Variants in ZNF25 observed in about 807,000 individuals in gnomAD.
ZNF25 encodes the protein zinc finger protein 25 (KOX 19).
ZNF25 carries 21 observed loss-of-function variants against 30.9 expected under a neutral mutation model. The observed-to-expected ratio is 0.68, with a 90% confidence interval of 0.48 to 0.98. The LOEUF (loss-of-function observed/expected upper bound fraction) is 0.98, where lower values mean the gene tolerates loss of function less well. Among genes scored for constraint, ZNF25 ranks in the 50% least tolerant of loss-of-function variants. ZNF25 has a pLI of 0.00. For synonymous variants in ZNF25, 169 were observed against 181.3 expected, an observed-to-expected ratio of 0.93 and a Z score of 0.55; for missense variants, 501 against 529.9, an observed-to-expected ratio of 0.95 and a Z score of 0.54.
In ZNF25 at chr10:37,957,330, C is replaced by T. The variant is rs11011412; in HGVS notation, c.142+90G>A. The T allele has an allele frequency of 8.8e-3, 12,893 of 1,466,750 alleles. 308 individuals carry two copies. The highest frequency in any genetic ancestry group is 0.085 in the African/African-American group (5,996 of 70,736). The allele number at this position is 1,466,750 out of a possible 1,614,324, so 90.9% of individuals were successfully genotyped here. ...CCTCTGAATCATAGATAATGTCAAT[C>T]ATTCAACCCTATAGGGACATTTTAT... On this transcript the variant is annotated intron_variant, in intron 3 of 5. Transcript: ENST00000302609.
At chr10:37,958,345 T>A (rs922813331) in intron 2 of ZNF25, among the ~76,000 whole-genome samples, 33 of 152,202 alleles carry the variant, frequency 2.2e-4, no homozygotes, top group Non-Finnish European at 7.3e-5. Context: ...CATGGATGCA[T>A]GAGAAATGGT....
In ZNF25 at chr10:37,952,593, T is replaced by C. The variant is rs753941865; in HGVS notation, c.905A>G (p.Lys302Arg). ...GKFFSRNSHLKTHQRSHTGEK... is the reference protein window; with the variant it reads ...GKFFSRNSHLRTHQRSHTGEK... ...TCCTGTGTGACTTCTCTGATGAGTT[T>C]TGAGGTGTGAATTCCTAGAGAAGAA... Residue 302 changes from lysine to arginine, a missense_variant, in exon 6 of 6, where the codon AAA (lysine) becomes AGA (arginine). Transcript: ENST00000302609. 37 of 1,612,160 alleles carry C rather than the reference T, an allele frequency of 2.3e-5. No homozygotes were observed. The highest frequency in any genetic ancestry group is 3.0e-5 in the Non-Finnish European group (35 of 1,179,504).
chr10:37,950,750 G>A lies in ZNF25; in HGVS notation c.*1377C>T, dbSNP rs1735584. On this transcript the variant is annotated 3_prime_UTR_variant, in exon 6 of 6. Transcript: ENST00000302609. ...TTTATGGGATGGGAACTGAGGCACA[G>A]AGATATTAAGTAGCATGCCCCATGC... 1 of 152,194 alleles carries A rather than the reference G, an allele frequency of 6.6e-6. No homozygotes were observed. The highest frequency in any genetic ancestry group is 1.5e-5 in the Non-Finnish European group (1 of 68,046). 9.4% of individuals were successfully genotyped at this position (152,194 alleles called of 1,614,324 possible).
At chr10:37,955,744 C>A (rs2135309726) in intron 4 of ZNF25, among the ~76,000 whole-genome samples, 1 of 152,262 alleles carries the variant, frequency 6.6e-6, no homozygotes, top group South Asian at 2.1e-4. Context: ...GTGGGGCGAT[C>A]TTGGCTCACT....
chr10:37,975,387 CA>C (rs11443634), intron 1 of ZNF25, among the ~76,000 whole-genome samples: 3 of 148,866 alleles, frequency 2.0e-5, no homozygotes, highest in Admixed American at 6.7e-5. Context: ...CATTATGTAC[CA>C]AAAAAAAAAA....
rs1446778466 is a variant in ZNF25, at chr10:37,952,190, G to C, written c.1308C>G (p.Ile436Met). ...YECQECGETF[I>M]QKSQLTAHQK... ...GATGTGCAGTGAGTTGTGACTTCTG[G>C]ATAAAGGTTTCCCCACACTCCTGAC... is the stretch of plus-strand genomic sequence containing the variant. The change falls in exon 6 of 6, where the codon ATC becomes ATG. Residue 436 changes from isoleucine to methionine, a missense_variant. By Grantham distance (10) the Ile-to-Met change is conservative. Coordinates refer to ENST00000302609, the MANE Select transcript of ZNF25 (RefSeq NM_145011.4). The C allele has an allele frequency of 1.9e-6, 3 of 1,611,750 alleles. No individual in the cohort carries two copies. The highest frequency in any genetic ancestry group is 2.5e-6 in the Non-Finnish European group (3 of 1,178,970).
intron 4 of ZNF25, 71 bp downstream of exon 4, chr10:37,956,949 A>G: frequency 9.1e-7 from 1 of 1,092,942 alleles, no homozygotes; most frequent in Non-Finnish European, 1.4e-6. Context: ...GAGATTGCCG[A>G]AAAGTACTTC....
chr10:37,959,763 C>T (rs1590226334), intron 2 of ZNF25, among the ~76,000 whole-genome samples: 2 of 152,112 alleles, frequency 1.3e-5, no homozygotes, highest in Middle Eastern at 6.8e-3. Flanking sequence ...GCGCCCGCCA[C>T]CACGCCTGGC....
rs183565757 is a variant in ZNF25, at chr10:37,960,007, C to G, written c.16-2461G>C. 7.2e-5 allele frequency among the ~76,000 whole-genome samples: 11 copies of G among 152,030 alleles called. No homozygotes were observed. In the East Asian group the frequency reaches 2.1e-3, roughly 30 times the overall value. On this transcript the variant is annotated intron_variant, in intron 2 of 5. Transcript: ENST00000302609. ...TTAGCTCACTGCAAGCTCTGCCTCC[C>G]GGGTTCACACCATTCTCCTGGCTCA...
Position 37,953,019 on chromosome 10 carries a change from T to A in ZNF25, c.479A>T (p.Asp160Val). Reference sequence around the variant, plus strand: ...GTGAATTTTCTGATGTCTTATGAGGTCTTCATTTTTAGAGAAAGATTTCCC... The same window carrying A: ...GTGAATTTTCTGATGTCTTATGAGGACTTCATTTTTAGAGAAAGATTTCCC... ...KCGKSFSKNE[D>V]LIRHQKIHTR... The change falls in exon 6 of 6, where the codon GAC becomes GTC. Residue 160 changes from aspartate to valine, a missense_variant. Coordinates refer to ENST00000302609, the MANE Select transcript of ZNF25 (RefSeq NM_145011.4). 6.2e-7 allele frequency: 1 copy of A among 1,613,896 alleles called. No homozygotes were observed. The highest frequency in any genetic ancestry group is 8.5e-7 in the Non-Finnish European group (1 of 1,179,960).
At chr10:37,966,531 TAC>T (rs922921308) in intron 2 of ZNF25, among the ~76,000 whole-genome samples, 2 of 151,966 alleles carry the variant, frequency 1.3e-5, no homozygotes, top group Non-Finnish European at 2.9e-5. Flanking sequence ...TCAGGAAGCT[TAC>T]AGTCATAGCA....
chr10:37,953,668 A>G (rs2062327955), intron 5 of ZNF25, 27 bp downstream of exon 5: 4 of 1,608,322 alleles, frequency 2.5e-6, no homozygotes, highest in Non-Finnish European at 3.4e-6. Context: ...CAAATCTTCT[A>G]TCTTAAACAT....
intron 2 of ZNF25, among the ~76,000 whole-genome samples, chr10:37,967,236 T>C (rs1446278507): frequency 6.6e-6 from 1 of 152,134 alleles, no homozygotes; most frequent in Non-Finnish European, 1.5e-5. Flanking sequence ...GGGTCCCCAG[T>C]AGCCAAAACA....
intron 2 of ZNF25, among the ~76,000 whole-genome samples, chr10:37,958,593 A>G (rs994031654): frequency 2.6e-5 from 4 of 152,224 alleles, no homozygotes; most frequent in Admixed American, 6.5e-5. Flanking sequence ...GCTTATTAAT[A>G]TAATACATAC....
chr10:37,967,617 A>G (rs1257791903), intron 2 of ZNF25, among the ~76,000 whole-genome samples: 1 of 152,072 alleles, frequency 6.6e-6, no homozygotes, highest in Non-Finnish European at 1.5e-5. Flanking sequence ...CATGTTGCCC[A>G]GGATGGTTTC....
chr10:37,966,092 G>A (rs1414833945), intron 2 of ZNF25, among the ~76,000 whole-genome samples: 1 of 152,112 alleles, frequency 6.6e-6, no homozygotes, highest in African/African-American at 2.4e-5. Flanking sequence ...AGGCAGTATT[G>A]GAGGGTATTA....
Position 37,953,063 on chromosome 10 carries a change from G to T in ZNF25, c.435C>A (p.Ser145=). 17 of 1,613,934 alleles carry T rather than the reference G, an allele frequency of 1.1e-5. No homozygotes were observed. The highest frequency in any genetic ancestry group is 1.4e-5 in the Non-Finnish European group (17 of 1,179,978). ...ATTTCCCACATTTATCACAGTCATAGGATTTGCCCTTTGAGTGAGTATGCT... is the reference window on the plus strand; with the variant it reads ...ATTTCCCACATTTATCACAGTCATATGATTTGCCCTTTGAGTGAGTATGCT... ...VHQHTHSKGK[S]YDCDKCGKSF... The change falls in exon 6 of 6, where the codon TCC becomes TCA. Residue 145 remains serine, a synonymous_variant. Coordinates refer to ENST00000302609, the MANE Select transcript of ZNF25 (RefSeq NM_145011.4).
intron 2 of ZNF25, among the ~76,000 whole-genome samples, chr10:37,959,918 T>C (rs1328933198): frequency 6.6e-6 from 1 of 151,842 alleles, no homozygotes; most frequent in Non-Finnish European, 1.5e-5. Context: ...CCGGTTTTTT[T>C]GTTGTTGTTG....
intron 2 of ZNF25, among the ~76,000 whole-genome samples, chr10:37,969,176 T>C (rs966454581): frequency 2.0e-5 from 3 of 152,146 alleles, no homozygotes; most frequent in Non-Finnish European, 4.4e-5. Context: ...ACATTGCTAA[T>C]GGGAATGTAA....
Sources: gnomAD v4.1 joint callset for allele counts (sites outside exome capture counted in the v4.1 genomes callset) on GRCh38, gnomAD v4.1.1 for gene constraint, MANE v1.5 for transcripts, NCBI Gene and HGNC (gene_info 2026-07-23, HGNC 2026-07-21) for gene names.